SMAP2: variants seen among roughly 807,000 people sequenced by gnomAD.
SMAP2 encodes small ArfGAP2, also known as stromal membrane-associated protein 2.
SMAP2 carries 25 observed loss-of-function variants against 56.4 expected under a neutral mutation model. The observed-to-expected ratio is 0.44, with a 90% CI of 0.32 to 0.62. The LOEUF (loss-of-function observed/expected upper bound fraction) is 0.62, where lower values mean the gene tolerates loss of function less well. Ranked by LOEUF, SMAP2 falls within the 20% of genes least tolerant of loss-of-function variation. The pLI is 0.04. For missense variants in SMAP2, 388 were observed against 545.6 expected (o/e 0.71, Z 2.88); for synonymous variants, 157 against 181.7 (o/e 0.86, Z 1.09).
At chr1:40,406,989 T>A in intron 2 of SMAP2, 120 bp downstream of exon 2, 1 of 1,045,112 alleles carries the variant, frequency 9.6e-7, no homozygotes, top group Non-Finnish European at 1.4e-6. Context: ...TGTTAAACAC[T>A]TAACATCAGA....
chr1:40,401,209 G>A (rs1414718532), intron 1 of SMAP2, among the ~76,000 whole-genome samples: 1 of 152,206 alleles, frequency 6.6e-6, no homozygotes, highest in Non-Finnish European at 1.5e-5. Context: ...CTTGCAGTGA[G>A]CCGAGATCGC....
Position 40,397,743 on chromosome 1 carries a change from A to T in SMAP2, c.104-8993A>T, listed in dbSNP as rs190048260. Among the ~76,000 whole-genome samples, 4 of 152,274 alleles carry T rather than the reference A, an allele frequency of 2.6e-5. No individual in the cohort carries two copies. In the East Asian group the frequency reaches 7.7e-4, roughly 29 times the overall value. On this transcript the variant is annotated intron_variant, in intron 1 of 9. Coordinates refer to ENST00000372718, the MANE Select transcript of SMAP2 (RefSeq NM_022733.3). ...GAGACCTGTAAGCAACTCGAACAAG[A>T]TATTAAGTATTAGAAGAACAAAGCA...
chr1:40,382,785 A>G (rs1644611278), intron 1 of SMAP2, among the ~76,000 whole-genome samples: 1 of 152,238 alleles, frequency 6.6e-6, no homozygotes, highest in African/African-American at 2.4e-5. Flanking sequence ...GCAGGGGCCT[A>G]TGCCTGTTTT....
At chr1:40,398,766 A>G (rs752263426) in intron 1 of SMAP2, among the ~76,000 whole-genome samples, 1 of 151,920 alleles carries the variant, frequency 6.6e-6, no homozygotes, top group South Asian at 2.1e-4. Context: ...AGCCTCCTGA[A>G]TAGCTGGGAC....
chr1:40,410,069 C>T (rs1241790289), intron 4 of SMAP2, among the ~76,000 whole-genome samples: 3 of 151,748 alleles, frequency 2.0e-5, no homozygotes, highest in Admixed American at 6.6e-5. Context: ...AAGAAAGACC[C>T]CCATCTCTAC....
intron 2 of SMAP2, 72 bp downstream of exon 2, chr1:40,406,941 A>C: frequency 6.7e-7 from 1 of 1,490,638 alleles, no homozygotes. Context: ...AATTTCAGTC[A>C]AACCTGGCAC....
chr1:40,353,590 G>A (rs926753125), intron 1 of SMAP2, among the ~76,000 whole-genome samples: 9 of 151,980 alleles, frequency 5.9e-5, no homozygotes, highest in Admixed American at 2.0e-4. Context: ...GGCTGGTCTC[G>A]AGTCCCTAAT....
chr1:40,416,314 T>A lies in SMAP2; in HGVS notation c.820T>A (p.Ser274Thr), dbSNP rs1422377195. The change falls in exon 8 of 10, where the codon TCC becomes ACC. Residue 274 changes from serine to threonine, a missense_variant. Coordinates refer to ENST00000372718, the MANE Select transcript of SMAP2 (RefSeq NM_022733.3). ...AGACTCCATTCTTTCACTGTATGGA[T>A]CCCAGACGCCTCAAATGCCTACTCA... The part of the protein sequence containing the change: ...SKDSILSLYG[S>T]QTPQMPTQAM... 2 of 1,614,010 alleles carry A rather than the reference T, an allele frequency of 1.2e-6. No individual in the cohort carries two copies. Among genetic ancestry groups the A allele is most frequent in the South Asian group, 2.2e-5 (2 of 91,066 alleles).
chr1:40,350,548 G>A (rs1449197720), intron 1 of SMAP2, among the ~76,000 whole-genome samples: 1 of 152,300 alleles, frequency 6.6e-6, no homozygotes, highest in East Asian at 1.9e-4. Context: ...TATTACTGGT[G>A]CAAAACTGAA....
chr1:40,416,381 A>G, intron 8 of SMAP2, 40 bp downstream of exon 8: 1 of 1,584,474 alleles, frequency 6.3e-7, no homozygotes. Context: ...CCAGGTAGAG[A>G]CATGAGGGCT....
At chr1:40,355,747 C>G (rs1247602149) in intron 1 of SMAP2, among the ~76,000 whole-genome samples, 28 of 152,076 alleles carry the variant, frequency 1.8e-4, no homozygotes. Flanking sequence ...CTCAGCCCCT[C>G]AAGTAGCTGG....
Position 40,374,596 on chromosome 1 carries a change from C to CGTGCGT in SMAP2, c.103+376_103+377insCGTGTG, listed in dbSNP as rs750226325. On this transcript the variant is annotated intron_variant, in intron 1 of 9. Transcript: ENST00000372718. The surrounding 1 kb of genome is among the most constrained non-coding windows in gnomAD (Gnocchi z 5.9). ...ACTGCATTGCGTGCGTGCGTGCGTG[C>CGTGCGT]GTGTGTGTGTGTGTGTGTGTGTGTG... 595 of 1,002,808 alleles carry CGTGCGT rather than the reference C, an allele frequency of 5.9e-4. 3 individuals carry two copies. The African/African-American group carries it at 7.3e-3, about 12-fold the overall frequency. The allele number at this position is 1,002,808 out of a possible 1,614,324, so 62.1% of individuals were successfully genotyped here.
intron 1 of SMAP2, among the ~76,000 whole-genome samples, chr1:40,377,815 C>T (rs576208236): frequency 2.0e-5 from 3 of 152,244 alleles, no homozygotes; most frequent in Non-Finnish European, 4.4e-5. Context: ...TGGACACTAT[C>T]TTATTTACCA....
At chr1:40,400,833 T>A (rs1644826228) in intron 1 of SMAP2, among the ~76,000 whole-genome samples, 1 of 152,096 alleles carries the variant, frequency 6.6e-6, no homozygotes, top group African/African-American at 2.4e-5. Context: ...GGTGGGATTC[T>A]GGAGACTAAT....
At chr1:40,358,589 G>A (rs1189848069) in intron 1 of SMAP2, among the ~76,000 whole-genome samples, 2 of 152,118 alleles carry the variant, frequency 1.3e-5, no homozygotes, top group African/African-American at 4.8e-5. Context: ...TGGGATTACA[G>A]GCATGAGCCA....
chr1:40,360,161 C>G (rs907075227), intron 1 of SMAP2, among the ~76,000 whole-genome samples: 3 of 151,052 alleles, frequency 2.0e-5, no homozygotes, highest in African/African-American at 7.3e-5. Flanking sequence ...TGCCCACCAC[C>G]ACACCCGGCT....
intron 1 of SMAP2, among the ~76,000 whole-genome samples, chr1:40,360,267 A>G (rs1644454381): frequency 6.7e-6 from 1 of 150,126 alleles, no homozygotes; most frequent in African/African-American, 2.5e-5. Context: ...CGGCCTCCCA[A>G]AGTGCTGGGA....
chr1:40,365,102 T>C (rs1644476603), intron 2 of SMAP2: 3 of 214,814 alleles, frequency 1.4e-5, no homozygotes, highest in East Asian at 1.1e-4. Flanking sequence ...AACTTCCTAG[T>C]GTCATTACTC....
At chr1:40,357,017 AT>A (rs201533396) in intron 1 of SMAP2, among the ~76,000 whole-genome samples, 9,956 of 151,736 alleles carry the variant, frequency 0.066, 1,115 homozygotes, top group African/African-American at 0.23. Flanking sequence ...AGATTATTAG[AT>A]TTTTTTCCTA....
Sources: gnomAD v4.1 joint callset for allele counts (sites outside exome capture counted in the v4.1 genomes callset) on GRCh38, gnomAD v4.1.1 for gene constraint, Gnocchi (gnomAD v3.1) non-coding constraint, MANE v1.5 for transcripts, NCBI Gene and HGNC (gene_info 2026-07-23, HGNC 2026-07-21) for gene names.